FAM227B: variants seen among roughly 807,000 people sequenced by gnomAD.
The protein encoded by FAM227B is protein FAM227B.
FAM227B carries 88 observed loss-of-function variants against 73.8 expected under a neutral mutation model. The observed-to-expected ratio is 1.19, with a 90% CI of 1.00 to 1.42. FAM227B has a LOEUF of 1.42. FAM227B is among the 40% of genes most tolerant of loss of function. The pLI, the probability that FAM227B is intolerant of heterozygous loss-of-function variation, is 0.00. For missense variants in FAM227B, 632 were observed against 590.9 expected (o/e 1.07, Z -0.72); for synonymous variants, 210 against 190.5 (o/e 1.10, Z -0.84).
chr15:49,415,214 C>T (rs1260247082), intron 11 of FAM227B, among the ~76,000 whole-genome samples: 1 of 152,120 alleles, frequency 6.6e-6, no homozygotes, highest in Non-Finnish European at 1.5e-5. Flanking sequence ...CATTTTGCTG[C>T]CTTGCTACAT....
intron 11 of FAM227B, among the ~76,000 whole-genome samples, chr15:49,453,814 T>C (rs924213278): frequency 3.3e-5 from 5 of 152,146 alleles, no homozygotes; most frequent in East Asian, 3.9e-4. Context: ...ACGTTCCCAA[T>C]TGAATTCAGG....
chr15:49,596,173 A>G (rs1349845584), intron 3 of FAM227B, among the ~76,000 whole-genome samples: 2 of 152,026 alleles, frequency 1.3e-5, no homozygotes, highest in Admixed American at 6.6e-5. Context: ...TAGGTTATCT[A>G]AAGTCGAAAC....
intron 10 of FAM227B, among the ~76,000 whole-genome samples, chr15:49,510,652 T>A (rs2058927189): frequency 6.6e-6 from 1 of 152,152 alleles, no homozygotes; most frequent in South Asian, 2.1e-4. Context: ...TTTTGGAGAT[T>A]CAATTTACAT....
intron 9 of FAM227B, among the ~76,000 whole-genome samples, chr15:49,554,205 T>C (rs988031189): frequency 6.6e-6 from 1 of 152,128 alleles, no homozygotes; most frequent in African/African-American, 2.4e-5. Flanking sequence ...TTCCCTCTCC[T>C]TTCCTCTAGC....
chr15:49,391,942 T>C (rs901040544), intron 11 of FAM227B, among the ~76,000 whole-genome samples: 1 of 152,112 alleles, frequency 6.6e-6, no homozygotes, highest in Non-Finnish European at 1.5e-5. Flanking sequence ...TTACTCTTAC[T>C]GCAAACGTTG....
chr15:49,550,202 G>C (rs1439030093), intron 9 of FAM227B, among the ~76,000 whole-genome samples: 1 of 143,618 alleles, frequency 7.0e-6, no homozygotes, highest in Non-Finnish European at 1.5e-5. Flanking sequence ...CTGGCCGGGC[G>C]GGGGGCTGAC....
At chr15:49,364,900 T>C (rs2151433524) in intron 13 of FAM227B, among the ~76,000 whole-genome samples, 1 of 152,202 alleles carries the variant, frequency 6.6e-6, no homozygotes, top group African/African-American at 2.4e-5. Context: ...TCTTGGAAAC[T>C]ACACAGACCA....
chr15:49,451,572 G>A (rs550893376), intron 11 of FAM227B, among the ~76,000 whole-genome samples: 7 of 151,770 alleles, frequency 4.6e-5, no homozygotes, highest in African/African-American at 1.7e-4. Context: ...AATCTTCTTA[G>A]AATTCCTCTT....
Position 49,328,820 on chromosome 15 carries a change from G to A in FAM227B, c.1420-145C>T, listed in dbSNP as rs550061066. On this transcript the variant is annotated intron_variant, in intron 15 of 15. Transcript: ENST00000299338. ...AAGGAGGATACAGGAAGAAAATTCA[G>A]ACTCATTTGAATATTTGTAAACCAT... 13 of 1,409,830 alleles carry A rather than the reference G, an allele frequency of 9.2e-6. No homozygotes were observed. The East Asian group carries it at 3.0e-4, about 33-fold the overall frequency. The allele number at this position is 1,409,830 out of a possible 1,614,324, so 87.3% of individuals were successfully genotyped here.
At chr15:49,353,886 G>C (rs1053172030) in intron 13 of FAM227B, 4 of 152,100 alleles carry the variant, frequency 2.6e-5, no homozygotes, top group African/African-American at 7.2e-5. Flanking sequence ...GACTTGAAAT[G>C]AAAAATACAA....
At chr15:49,607,760 A>G (rs1019196526) in intron 3 of FAM227B, among the ~76,000 whole-genome samples, 1 of 151,806 alleles carries the variant, frequency 6.6e-6, no homozygotes, top group African/African-American at 2.4e-5. Flanking sequence ...AGTCATTAAT[A>G]TAAAGAAGGT....
intron 11 of FAM227B, among the ~76,000 whole-genome samples, chr15:49,433,359 T>G (rs2151798300): frequency 6.6e-6 from 1 of 151,658 alleles, no homozygotes; most frequent in Non-Finnish European, 1.5e-5. Flanking sequence ...CTTCCAGTGG[T>G]AGAAGCAGCA....
chr15:49,511,040 C>G (rs1222693258), intron 10 of FAM227B, among the ~76,000 whole-genome samples: 1 of 150,702 alleles, frequency 6.6e-6, no homozygotes, highest in Non-Finnish European at 1.5e-5. Context: ...CAATTTTTAT[C>G]CATTGTCCTA....
chr15:49,477,544 G>A (rs1236785857), intron 11 of FAM227B, among the ~76,000 whole-genome samples: 1 of 152,302 alleles, frequency 6.6e-6, no homozygotes, highest in Admixed American at 6.5e-5. Flanking sequence ...TAATATTCCA[G>A]TGTATACGTG....
intron 11 of FAM227B, among the ~76,000 whole-genome samples, chr15:49,409,934 G>A (rs1192323463): frequency 6.6e-6 from 1 of 152,096 alleles, no homozygotes; most frequent in Non-Finnish European, 1.5e-5. Context: ...GTCTCTTTCT[G>A]TTTTCTACTG....
intron 15 of FAM227B, chr15:49,329,513 G>C: frequency 1.0e-6 from 1 of 985,254 alleles, no homozygotes; most frequent in Non-Finnish European, 1.2e-6. Context: ...TTTAAGGGAG[G>C]CCTGCGCAAA....
chr15:49,535,518 C>A (rs1266693227), intron 10 of FAM227B, among the ~76,000 whole-genome samples: 2 of 151,738 alleles, frequency 1.3e-5, no homozygotes, highest in Non-Finnish European at 3.0e-5. Context: ...TATCAACACT[C>A]TTTAAACTCT....
At chr15:49,404,135 T>G (rs556821995) in intron 11 of FAM227B, among the ~76,000 whole-genome samples, 2 of 152,274 alleles carry the variant, frequency 1.3e-5, no homozygotes. Context: ...AGACTGGTTG[T>G]TATGATTTGA....
Position 49,335,460 on chromosome 15 carries a change from C to T in FAM227B, c.1308G>A (p.Glu436=), listed in dbSNP as rs760690765. Residue 436 remains glutamate, a synonymous_variant, in exon 14 of 16, where the codon GAG becomes GAA. Transcript: ENST00000299338. ...GGTTCCTTGCAAATTGTCTTTTTGC[C>T]TCCTTTATAACATCACGGTATGTTG... ...PAPTYRDVIK[E]AKRQFARNQK... is the part of the protein sequence containing the mutation. 6.2e-7 allele frequency: 1 copy of T among 1,613,568 alleles called. No homozygotes were observed. The highest frequency in any genetic ancestry group is 1.7e-5 in the Admixed American group (1 of 60,012).
Sources: gnomAD v4.1 joint callset for allele counts (sites outside exome capture counted in the v4.1 genomes callset) on GRCh38, gnomAD v4.1.1 for gene constraint, MANE v1.5 for transcripts, NCBI Gene and HGNC (gene_info 2026-07-23, HGNC 2026-07-21) for gene names.